FYN: variants seen among roughly 807,000 people sequenced by gnomAD.
The protein encoded by FYN is tyrosine-protein kinase Fyn.
FYN carries 10 observed loss-of-function variants against 70.2 expected under a neutral mutation model. The ratio of observed to expected loss-of-function variants is 0.14; its 90% CI spans 0.09 to 0.24. The LOEUF (loss-of-function observed/expected upper bound fraction) is 0.24, where lower values mean the gene tolerates loss of function less well. Among genes scored for constraint, FYN ranks in the 10% least tolerant of loss-of-function variants. The pLI, the probability that FYN is intolerant of heterozygous loss-of-function variation, is 1.00. For synonymous variants in FYN, 236 were observed against 248.6 expected, an observed-to-expected ratio of 0.95 and a Z score of 0.48; for missense variants, 319 against 673.1, an observed-to-expected ratio of 0.47 and a Z score of 5.82.
At chr6:111,700,048 G>A (rs2128442688) in intron 9 of FYN, 56 bp downstream of exon 9, 4 of 1,498,916 alleles carry the variant, frequency 2.7e-6, no homozygotes, top group Non-Finnish European at 3.7e-6. Context: ...CATCTTTGGT[G>A]TTTGGGATCT....
chr6:111,729,416 A>G (rs1409639325), intron 3 of FYN, among the ~76,000 whole-genome samples: 1 of 150,304 alleles, frequency 6.7e-6, no homozygotes, highest in Non-Finnish European at 1.5e-5. Context: ...AGAGGTTTGC[A>G]GTGAGCTGAG....
chr6:111,696,538 A>C lies in FYN; in HGVS notation c.863-82T>G, dbSNP rs1187829933. 8 of 1,158,720 alleles carry C rather than the reference A, an allele frequency of 6.9e-6. No individual in the cohort carries two copies. The East Asian group carries it at 2.0e-4, about 30-fold the overall frequency. The allele number at this position is 1,158,720 out of a possible 1,614,324, so 71.8% of individuals were successfully genotyped here. ...GTTTTGACCACCAGCTATTTGCATA[A>C]GATTAGATTTTAAATTTAAAACACT... On this transcript the variant is annotated intron_variant, in intron 9 of 13. Coordinates refer to ENST00000354650, the MANE Select transcript of FYN (RefSeq NM_002037.5).
At chr6:111,854,340 G>A (rs781612982) in intron 1 of FYN, among the ~76,000 whole-genome samples, 1 of 152,166 alleles carries the variant, frequency 6.6e-6, no homozygotes, top group Non-Finnish European at 1.5e-5. Flanking sequence ...ACAACACGCA[G>A]TATGCTCACC....
At chr6:111,740,688 C>T (rs978687030) in intron 3 of FYN, among the ~76,000 whole-genome samples, 2 of 152,172 alleles carry the variant, frequency 1.3e-5, no homozygotes, top group Admixed American at 1.3e-4. Flanking sequence ...ACACCTCCTC[C>T]CCAGCAACAC....
chr6:111,672,978 C>G (rs1583288604), intron 13 of FYN, among the ~76,000 whole-genome samples: 1 of 152,198 alleles, frequency 6.6e-6, no homozygotes, highest in Non-Finnish European at 1.5e-5. Flanking sequence ...AAACAAAAAG[C>G]TGCTTTGTAT....
At chr6:111,838,379 G>A (rs564031647) in intron 2 of FYN, among the ~76,000 whole-genome samples, 15 of 152,270 alleles carry the variant, frequency 9.9e-5, no homozygotes, top group African/African-American at 3.6e-4. Flanking sequence ...CACAAATGCA[G>A]AATACCTTGA....
chr6:111,819,680 T>C (rs1425664639), intron 2 of FYN, among the ~76,000 whole-genome samples: 2 of 152,162 alleles, frequency 1.3e-5, no homozygotes, highest in Non-Finnish European at 2.9e-5. Flanking sequence ...GTTTCTTTAC[T>C]ACTTACTTTG....
intron 2 of FYN, among the ~76,000 whole-genome samples, chr6:111,826,310 G>A (rs952615330): frequency 1.3e-5 from 2 of 152,038 alleles, no homozygotes; most frequent in South Asian, 4.1e-4. Context: ...TCCCAACTCT[G>A]GCTTTTACTG....
chr6:111,690,023 A>G (rs1041655102), intron 12 of FYN, among the ~76,000 whole-genome samples: 5 of 152,224 alleles, frequency 3.3e-5, no homozygotes, highest in African/African-American at 1.2e-4. Flanking sequence ...ATTAGTCGGC[A>G]CTGAAAGCTC....
rs766350980 is a variant in FYN, at chr6:111,661,992, G to A, written c.1406-45C>T. On this transcript the variant is annotated intron_variant, in intron 13 of 13. Transcript: ENST00000354650. This position sits in a 1 kb window ranked among gnomAD's most constrained non-coding sequence, Gnocchi z 4.0. Reference sequence around the variant, plus strand: ...GAGAGTGGGCACCCCGGGGATCCAGGCCCTGACCGCCGCACTTGCAGATCC... The same window carrying A: ...GAGAGTGGGCACCCCGGGGATCCAGACCCTGACCGCCGCACTTGCAGATCC... The A allele has an allele frequency of 4.7e-6, 7 of 1,483,482 alleles. No homozygotes were observed. The South Asian group carries it at 8.9e-5, about 19-fold the overall frequency. 91.9% of individuals were successfully genotyped at this position (1,483,482 alleles called of 1,614,324 possible).
At chr6:111,757,254 C>G (rs1015658148) in intron 3 of FYN, among the ~76,000 whole-genome samples, 33 of 152,212 alleles carry the variant, frequency 2.2e-4, no homozygotes, top group African/African-American at 7.2e-4. Context: ...ATTTCTTGAC[C>G]TTCATCTCCT....
chr6:111,670,685 C>T (rs1798225223), intron 13 of FYN, among the ~76,000 whole-genome samples: 2 of 135,280 alleles, frequency 1.5e-5, no homozygotes, highest in African/African-American at 2.8e-5. Context: ...AAGCCGTGGA[C>T]GTTTTTAACT....
chr6:111,754,828 C>G (rs1473885599), intron 3 of FYN, among the ~76,000 whole-genome samples: 2 of 152,188 alleles, frequency 1.3e-5, no homozygotes, highest in East Asian at 3.9e-4. Flanking sequence ...TGTGTATAAT[C>G]TGACAGTCTC....
intron 12 of FYN, among the ~76,000 whole-genome samples, chr6:111,680,475 T>C (rs1453435728): frequency 6.6e-6 from 1 of 152,258 alleles, no homozygotes; most frequent in Non-Finnish European, 1.5e-5. Flanking sequence ...AGAAAGTCAC[T>C]GGGCTGTGAG....
chr6:111,673,529 G>A lies in FYN; in HGVS notation c.1405+970C>T, dbSNP rs117112346. Among the ~76,000 whole-genome samples, 436 of 151,532 alleles carry A rather than the reference G, an allele frequency of 2.9e-3. 8 individuals carry two copies. In the East Asian group the frequency reaches 0.057, roughly 20 times the overall value. ...AGGGATTACAAATTAATCTGCCTTCGCTAGCTCCTCTGACTGCAAAGCTAT... is the reference window on the plus strand; with the variant it reads ...AGGGATTACAAATTAATCTGCCTTCACTAGCTCCTCTGACTGCAAAGCTAT... On this transcript the variant is annotated intron_variant, in intron 13 of 13. Coordinates refer to ENST00000354650, the MANE Select transcript of FYN (RefSeq NM_002037.5).
chr6:111,789,204 G>T (rs1771513639), intron 2 of FYN, among the ~76,000 whole-genome samples: 1 of 152,206 alleles, frequency 6.6e-6, no homozygotes, highest in Non-Finnish European at 1.5e-5. Context: ...GGGGATCAGA[G>T]GCTCACTGTT....
At chr6:111,870,104 A>G (rs1457517795) in intron 1 of FYN, among the ~76,000 whole-genome samples, 1 of 152,224 alleles carries the variant, frequency 6.6e-6, no homozygotes, top group Non-Finnish European at 1.5e-5. Flanking sequence ...TTCTGAGCAC[A>G]TGGCTAAACT....
chr6:111,825,932 A>T (rs1157237373), intron 2 of FYN, among the ~76,000 whole-genome samples: 1 of 152,228 alleles, frequency 6.6e-6, no homozygotes, highest in Non-Finnish European at 1.5e-5. Flanking sequence ...TCTTTGACTC[A>T]TATCATTCTG....
chr6:111,802,477 G>C (rs1038296206), intron 2 of FYN, among the ~76,000 whole-genome samples: 4 of 151,822 alleles, frequency 2.6e-5, no homozygotes, highest in Admixed American at 2.0e-4. Context: ...CTATTGCCCA[G>C]GCTGGAGAGC....
Sources: gnomAD v4.1 joint callset for allele counts (sites outside exome capture counted in the v4.1 genomes callset) on GRCh38, gnomAD v4.1.1 for gene constraint, Gnocchi (gnomAD v3.1) non-coding constraint, MANE v1.5 for transcripts, NCBI Gene and HGNC (gene_info 2026-07-23, HGNC 2026-07-21) for gene names.